The following TSPAN5 variants were observed in gnomAD, a reference collection of about 807,000 sequenced individuals.
The protein encoded by TSPAN5 is tetraspanin 5.
TSPAN5 carries 10 observed loss-of-function variants against 37.1 expected under a neutral mutation model. That is an observed-to-expected ratio of 0.27 (90% CI 0.17 to 0.46). The LOEUF is 0.46. Ranked by LOEUF, TSPAN5 falls within the 20% of genes least tolerant of loss-of-function variation. The pLI is 1.00. For missense variants in TSPAN5, 195 were observed against 326.6 expected (o/e 0.60, Z 3.11); for synonymous variants, 110 against 118.9 (o/e 0.93, Z 0.48).
At chr4:98,575,985 C>T (rs961069617) in intron 1 of TSPAN5, among the ~76,000 whole-genome samples, 2 of 152,046 alleles carry the variant, frequency 1.3e-5, no homozygotes, top group African/African-American at 4.8e-5. Flanking sequence ...AGGAGAATTG[C>T]TTGAACCTGG....
At chr4:98,506,920 C>T (rs1753488315) in intron 2 of TSPAN5, among the ~76,000 whole-genome samples, 1 of 152,036 alleles carries the variant, frequency 6.6e-6, no homozygotes, top group African/African-American at 2.4e-5. Context: ...TGTTGAATTC[C>T]ACTGGTGGCC....
At chr4:98,643,587 T>C (rs1757002464) in intron 1 of TSPAN5, among the ~76,000 whole-genome samples, 1 of 152,210 alleles carries the variant, frequency 6.6e-6, no homozygotes. Context: ...ACTCTGTATC[T>C]TTAAACATGA....
intron 1 of TSPAN5, among the ~76,000 whole-genome samples, chr4:98,572,123 CT>C (rs1397625654): frequency 1.3e-5 from 2 of 152,068 alleles, no homozygotes; most frequent in African/African-American, 4.8e-5. Flanking sequence ...ACCACCACAC[CT>C]GGCTAATTTT....
At chr4:98,558,749 C>A (rs1052781834) in intron 1 of TSPAN5, among the ~76,000 whole-genome samples, 2 of 152,196 alleles carry the variant, frequency 1.3e-5, no homozygotes, top group African/African-American at 4.8e-5. Context: ...AGCCTCAGAG[C>A]AGAGTGGAGT....
At chr4:98,658,067 A>C in intron 1 of TSPAN5, 79 bp downstream of exon 1, 1 of 1,306,382 alleles carries the variant, frequency 7.7e-7, no homozygotes, top group Non-Finnish European at 1.1e-6. Flanking sequence ...CGAAAAGTAA[A>C]GGCAACGAAC....
chr4:98,566,125 GTTA>G (rs1754999528), intron 1 of TSPAN5, among the ~76,000 whole-genome samples: 1 of 152,130 alleles, frequency 6.6e-6, no homozygotes, highest in Non-Finnish European at 1.5e-5. Context: ...CGGTGAAAAC[GTTA>G]TTTCCCTTAC....
intron 3 of TSPAN5, 81 bp downstream of exon 3, chr4:98,486,657 T>A: frequency 6.5e-7 from 1 of 1,538,630 alleles, no homozygotes; most frequent in Non-Finnish European, 9.0e-7. Context: ...CAGCTCACTG[T>A]CTTGCCTGTA....
intron 1 of TSPAN5, among the ~76,000 whole-genome samples, chr4:98,631,686 A>G (rs1406834992): frequency 6.6e-6 from 1 of 152,180 alleles, no homozygotes; most frequent in East Asian, 1.9e-4. Context: ...GATAAAAATT[A>G]TCTTCAGACT....
At chr4:98,571,070 A>G (rs1755107651) in intron 1 of TSPAN5, among the ~76,000 whole-genome samples, 1 of 152,100 alleles carries the variant, frequency 6.6e-6, no homozygotes, top group Non-Finnish European at 1.5e-5. Context: ...AGGTCAATGG[A>G]CCACTTGTCT....
At chr4:98,606,634 T>TATTA (rs1182814710) in intron 1 of TSPAN5, among the ~76,000 whole-genome samples, 3 of 152,194 alleles carry the variant, frequency 2.0e-5, no homozygotes, top group Non-Finnish European at 4.4e-5. Flanking sequence ...ACAAAAAAGC[T>TATTA]ATTATTAGCA....
At chr4:98,601,038 A>G (rs76214571) in intron 1 of TSPAN5, among the ~76,000 whole-genome samples, 2,681 of 152,314 alleles carry the variant, frequency 0.018, 75 homozygotes, top group African/African-American at 0.06. Context: ...ATCACACTGG[A>G]ACAGTAATAT....
intron 1 of TSPAN5, among the ~76,000 whole-genome samples, chr4:98,552,233 T>C (rs969487468): frequency 6.6e-6 from 1 of 152,216 alleles, no homozygotes; most frequent in African/African-American, 2.4e-5. Flanking sequence ...GTCGCTTATT[T>C]TCTTGTAACT....
At chr4:98,605,004 G>A (rs1018255128) in intron 1 of TSPAN5, among the ~76,000 whole-genome samples, 10 of 152,180 alleles carry the variant, frequency 6.6e-5, no homozygotes, top group East Asian at 1.9e-4. Context: ...GAATTCACTC[G>A]CTCTACATTT....
At chr4:98,485,685 G>A (rs1438432048) in intron 3 of TSPAN5, among the ~76,000 whole-genome samples, 2 of 151,758 alleles carry the variant, frequency 1.3e-5, no homozygotes, top group South Asian at 2.1e-4. Context: ...AAGAAAAGAC[G>A]CTGGAGGATG....
At chr4:98,530,012 C>T (rs1754046264) in intron 1 of TSPAN5, among the ~76,000 whole-genome samples, 1 of 152,212 alleles carries the variant, frequency 6.6e-6, no homozygotes, top group Admixed American at 6.5e-5. Context: ...TTTCTGCAGC[C>T]TTGACTTCAG....
At chr4:98,623,798 C>G (rs972736910) in intron 1 of TSPAN5, among the ~76,000 whole-genome samples, 4 of 152,138 alleles carry the variant, frequency 2.6e-5, no homozygotes, top group Non-Finnish European at 5.9e-5. Context: ...TAATTCATTA[C>G]AGTGAGTTAC....
In TSPAN5 at chr4:98,631,850, C is replaced by T. The variant is rs562713082; in HGVS notation, c.81+26296G>A. 2.6e-5 allele frequency among the ~76,000 whole-genome samples: 4 copies of T among 152,280 alleles called. No homozygotes were observed. The East Asian group carries it at 5.8e-4, about 22-fold the overall frequency. On this transcript the variant is annotated intron_variant, in intron 1 of 7. Transcript: ENST00000305798. ...GGAGGAAACTTTGTCTCTGGGGACTCGGCCATAATAGGCCTTAGAAACCAA... is the reference window on the plus strand; with the variant it reads ...GGAGGAAACTTTGTCTCTGGGGACTTGGCCATAATAGGCCTTAGAAACCAA...
chr4:98,549,308 TTTTG>T (rs1553913224), intron 1 of TSPAN5, among the ~76,000 whole-genome samples: 17 of 22,806 alleles, frequency 7.5e-4, no homozygotes, highest in African/African-American at 2.1e-3. Context: ...TTTTGTTTTT[TTTTG>T]TTTTTTTTGA....
chr4:98,489,007 A>G (rs1173625712), intron 2 of TSPAN5, among the ~76,000 whole-genome samples: 1 of 152,240 alleles, frequency 6.6e-6, no homozygotes, highest in African/African-American at 2.4e-5. Context: ...TGAAGCTTTC[A>G]GGTTATGGAC....
Sources: allele counts gnomAD v4.1 joint callset (sites outside exome capture counted in the v4.1 genomes callset), GRCh38; gene constraint gnomAD v4.1.1; transcripts MANE v1.5; gene names NCBI Gene and HGNC (gene_info 2026-07-23, HGNC 2026-07-21).